Variants in SBF2 observed in about 807,000 individuals in gnomAD.
The protein encoded by SBF2 is SET binding factor 2, also known as myotubularin-related protein 13.
Under a neutral mutation model 225.2 loss-of-function variants are expected in SBF2, and 112 were observed. The observed-to-expected ratio is 0.50, with a 90% confidence interval of 0.43 to 0.58. The LOEUF is 0.58. SBF2 is among the 20% of genes least tolerant of loss of function. The probability of loss-of-function intolerance (pLI) is 0.00; values close to 1 mark genes in which losing one functional copy is unlikely to be tolerated. For synonymous variants in SBF2, 763 were observed against 773.3 expected (o/e 0.99, Z 0.22); for missense variants, 1,996 against 2,206.2 (o/e 0.90, Z 1.91).
intron 17 of SBF2, among the ~76,000 whole-genome samples, chr11:9,862,446 A>T (rs191628141): frequency 1.3e-3 from 196 of 152,344 alleles, no homozygotes; most frequent in African/African-American, 4.5e-3. Flanking sequence ...TTCACTGTGC[A>T]TTTGAGAGAA....
chr11:10,099,573 C>T (rs531978709), intron 2 of SBF2, among the ~76,000 whole-genome samples: 5 of 152,186 alleles, frequency 3.3e-5, no homozygotes, highest in East Asian at 1.9e-4. Context: ...TACACTATAA[C>T]GATGATACAC....
intron 2 of SBF2, among the ~76,000 whole-genome samples, chr11:10,170,355 T>C (rs1956136248): frequency 6.6e-6 from 1 of 152,166 alleles, no homozygotes; most frequent in African/African-American, 2.4e-5. Flanking sequence ...GGACATCCAG[T>C]TTCTTCAGCA....
intron 2 of SBF2, among the ~76,000 whole-genome samples, chr11:10,189,766 A>G (rs1409370172): frequency 1.3e-5 from 2 of 152,182 alleles, no homozygotes. Context: ...TCTAACAAAA[A>G]CCTTAGTACA....
intron 1 of SBF2, among the ~76,000 whole-genome samples, chr11:10,249,364 T>C (rs1297426677): frequency 6.6e-6 from 1 of 152,130 alleles, no homozygotes; most frequent in Non-Finnish European, 1.5e-5. Context: ...AATCTACTAA[T>C]GTAAGAGTGA....
chr11:9,915,813 A>G lies in SBF2; in HGVS notation c.1861-19802T>C, dbSNP rs535632882. 8.5e-5 allele frequency: 13 copies of G among 152,406 alleles called. No homozygotes were observed. In the East Asian group the frequency reaches 2.5e-3, roughly 29 times the overall value. 9.4% of individuals were successfully genotyped at this position (152,406 alleles called of 1,614,324 possible). On this transcript the variant is annotated intron_variant, in intron 16 of 39. Coordinates refer to ENST00000256190, the MANE Select transcript of SBF2 (RefSeq NM_030962.4). ...CACGGTGGCTCATTCCTGTAATCCC[A>G]GCACTTTGGGAGGCCAAGGTGGGTG...
intron 1 of SBF2, among the ~76,000 whole-genome samples, chr11:10,240,727 G>A (rs563170604): frequency 5.5e-4 from 84 of 152,116 alleles, no homozygotes; most frequent in Non-Finnish European, 7.2e-4. Context: ...TGATGTAACT[G>A]GTTTGGGGTA....
At chr11:9,910,291 C>T (rs574522182) in intron 16 of SBF2, among the ~76,000 whole-genome samples, 3 of 152,186 alleles carry the variant, frequency 2.0e-5, no homozygotes, top group Non-Finnish European at 4.4e-5. Flanking sequence ...ACACATTACT[C>T]AGACATTTGG....
chr11:9,838,241 C>T (rs1435936563), intron 26 of SBF2: 1 of 150,612 alleles, frequency 6.6e-6, no homozygotes, highest in African/African-American at 2.4e-5. Flanking sequence ...ATTCCATTTC[C>T]TTCCTGCTAA....
At position 9,808,189 on chromosome 11, in the gene SBF2, G is replaced by C. The variant is rs757097139; in HGVS notation, c.4258-4C>G. 15 of 1,612,864 alleles carry C rather than the reference G, an allele frequency of 9.3e-6. No homozygotes were observed. Among genetic ancestry groups the C allele is most frequent in the Non-Finnish European group, 1.2e-5 (14 of 1,179,430 alleles). ...GTAACTGAACCAGGGATGTCACCTA[G>C]GGCATAAGCAGGATGGATTGTCATT... On this transcript the variant is annotated splice_polypyrimidine_tract_variant and splice_region_variant and intron_variant, in intron 31 of 39. Coordinates refer to ENST00000256190, the MANE Select transcript of SBF2 (RefSeq NM_030962.4).
chr11:9,879,678 G>A (rs1177594567), intron 17 of SBF2, among the ~76,000 whole-genome samples: 4 of 152,116 alleles, frequency 2.6e-5, no homozygotes, highest in Non-Finnish European at 5.9e-5. Flanking sequence ...CGCTGTGCAC[G>A]TACTATATGC....
At chr11:10,290,076 T>C (rs1338470796) in intron 1 of SBF2, among the ~76,000 whole-genome samples, 2 of 152,204 alleles carry the variant, frequency 1.3e-5, no homozygotes, top group East Asian at 3.9e-4. Flanking sequence ...GTTAAAAAGT[T>C]ATACATTTCA....
intron 13 of SBF2, among the ~76,000 whole-genome samples, chr11:9,972,684 T>C (rs1430960197): frequency 1.3e-5 from 2 of 152,180 alleles, no homozygotes; most frequent in Non-Finnish European, 2.9e-5. Context: ...GGTTTCACTA[T>C]GTTGTTCAGG....
intron 2 of SBF2, among the ~76,000 whole-genome samples, chr11:10,056,128 G>A (rs1228493199): frequency 1.3e-5 from 2 of 152,240 alleles, no homozygotes; most frequent in East Asian, 3.9e-4. Flanking sequence ...ATGCCATGCT[G>A]TTTTGGTCAC....
chr11:9,892,721 G>T (rs1321688523), intron 17 of SBF2, among the ~76,000 whole-genome samples: 1 of 151,878 alleles, frequency 6.6e-6, no homozygotes, highest in Non-Finnish European at 1.5e-5. Flanking sequence ...CACCACGCCC[G>T]GCTAATTTCG....
At chr11:10,046,868 A>C (rs570694484) in intron 2 of SBF2, among the ~76,000 whole-genome samples, 1 of 139,264 alleles carries the variant, frequency 7.2e-6, no homozygotes, top group Non-Finnish European at 1.6e-5. Flanking sequence ...TAAACAGATA[A>C]TCTGAAAGGA....
At chr11:10,239,028 C>T (rs1330982195) in intron 1 of SBF2, among the ~76,000 whole-genome samples, 1 of 150,714 alleles carries the variant, frequency 6.6e-6, no homozygotes. Context: ...AGTAACAAAA[C>T]TGACCTGAAT....
At chr11:9,974,978 A>AG (rs1946617495) in intron 13 of SBF2, among the ~76,000 whole-genome samples, 2 of 90,330 alleles carry the variant, frequency 2.2e-5, no homozygotes, top group South Asian at 7.4e-4. Context: ...AAAAAAAAAA[A>AG]AAAAAAAAAA....
chr11:9,796,821 G>C (rs1477446267), intron 32 of SBF2, among the ~76,000 whole-genome samples: 1 of 152,170 alleles, frequency 6.6e-6, no homozygotes, highest in East Asian at 1.9e-4. Context: ...TTGGGCACAG[G>C]AATAGGAATG....
chr11:10,160,127 C>A lies in SBF2; in HGVS notation c.141+33775G>T, dbSNP rs1347728818. On this transcript the variant is annotated intron_variant, in intron 2 of 39. Coordinates refer to ENST00000256190, the MANE Select transcript of SBF2 (RefSeq NM_030962.4). ...ATGTAAAAGAAGAAGTAAAAAATAT[C>A]TTTGCAGATGACATAATCTTATGTA... 2.0e-5 allele frequency among the ~76,000 whole-genome samples: 3 copies of A among 152,080 alleles called. No homozygotes were observed. The East Asian group carries it at 5.8e-4, about 29-fold the overall frequency.
Sources: gnomAD v4.1 joint callset for allele counts (sites outside exome capture counted in the v4.1 genomes callset) on GRCh38, gnomAD v4.1.1 for gene constraint, MANE v1.5 for transcripts, NCBI Gene and HGNC (gene_info 2026-07-23, HGNC 2026-07-21) for gene names.